SLC41A2: variants seen among roughly 807,000 people sequenced by gnomAD.
The protein encoded by SLC41A2 is solute carrier family 41 member 2, also known as SLC41A1-like 1.
In SLC41A2, 32 loss-of-function variants were observed where a neutral mutation model predicts 58.3. The observed-to-expected ratio is 0.55, with a 90% confidence interval of 0.41 to 0.74. SLC41A2 has a LOEUF of 0.74. Ranked by LOEUF, SLC41A2 falls within the 30% of genes least tolerant of loss-of-function variation. The pLI is 0.00. For missense variants in SLC41A2, 514 were observed against 680.6 expected (o/e 0.76, Z 2.72); for synonymous variants, 190 against 235.0 (o/e 0.81, Z 1.75).
intron 10 of SLC41A2, among the ~76,000 whole-genome samples, chr12:104,842,032 G>A (rs2042429168): frequency 6.6e-6 from 1 of 151,946 alleles, no homozygotes; most frequent in African/African-American, 2.4e-5. Flanking sequence ...TAAGAGCTTG[G>A]ACCAAGGTTT....
In SLC41A2 at chr12:104,851,316, T is replaced by C. The variant is rs868828792; in HGVS notation, c.1256-5342A>G. ...GTATAGATTTTCAATTCACAGACTATTTTGTTTTAAAATATATATATGAAA... is the reference window on the plus strand; with the variant it reads ...GTATAGATTTTCAATTCACAGACTACTTTGTTTTAAAATATATATATGAAA... On this transcript the variant is annotated intron_variant, in intron 8 of 10. Coordinates refer to ENST00000258538, the MANE Select transcript of SLC41A2 (RefSeq NM_001352171.3). 3.0e-4 allele frequency among the ~76,000 whole-genome samples: 45 copies of C among 152,286 alleles called. No individual in the cohort carries two copies. In the South Asian group the frequency reaches 5.6e-3, roughly 19 times the overall value.
At chr12:104,816,720 C>T (rs551006434) in intron 10 of SLC41A2, among the ~76,000 whole-genome samples, 113 of 152,226 alleles carry the variant, frequency 7.4e-4, no homozygotes, top group African/African-American at 2.5e-3. Flanking sequence ...AAAAAAGTCT[C>T]CCCTAAAAAT....
chr12:104,843,065 A>C (rs1175837507), intron 10 of SLC41A2, among the ~76,000 whole-genome samples: 1 of 152,094 alleles, frequency 6.6e-6, no homozygotes, highest in Non-Finnish European at 1.5e-5. Context: ...AAAAGTAGCA[A>C]TTTGCTATAA....
intron 6 of SLC41A2, among the ~76,000 whole-genome samples, chr12:104,876,348 C>G (rs1268073976): frequency 6.6e-6 from 1 of 151,954 alleles, no homozygotes; most frequent in Non-Finnish European, 1.5e-5. Flanking sequence ...GTAACATTAG[C>G]TTGTTTATTG....
chr12:104,859,211 G>A (rs1292780941), intron 8 of SLC41A2, among the ~76,000 whole-genome samples: 1 of 152,090 alleles, frequency 6.6e-6, no homozygotes, highest in Non-Finnish European at 1.5e-5. Flanking sequence ...CATGTACAGA[G>A]GGCCTTGAAA....
chr12:104,939,278 GCCT>G (rs2047406904), intron 1 of SLC41A2, among the ~76,000 whole-genome samples: 1 of 152,170 alleles, frequency 6.6e-6, no homozygotes, highest in Non-Finnish European at 1.5e-5. Flanking sequence ...GCTCACCAAA[GCCT>G]CAAACTCCTG....
chr12:104,922,598 C>T (rs1407435568), intron 2 of SLC41A2, among the ~76,000 whole-genome samples: 1 of 152,122 alleles, frequency 6.6e-6, no homozygotes, highest in Non-Finnish European at 1.5e-5. Context: ...CAACACTCCA[C>T]TCTCAATAAT....
At chr12:104,905,681 C>T (rs534008067) in intron 3 of SLC41A2, among the ~76,000 whole-genome samples, 4 of 152,220 alleles carry the variant, frequency 2.6e-5, no homozygotes, top group Non-Finnish European at 2.9e-5. Context: ...TAAGGCCCGG[C>T]GAGAAATCGA....
chr12:104,879,729 T>A (rs1200873609), intron 6 of SLC41A2, among the ~76,000 whole-genome samples: 1 of 152,210 alleles, frequency 6.6e-6, no homozygotes, highest in African/African-American at 2.4e-5. Flanking sequence ...TCAGGCAGCA[T>A]GACGCCTCCA....
intron 10 of SLC41A2, among the ~76,000 whole-genome samples, chr12:104,829,623 G>T (rs1308579582): frequency 6.6e-6 from 1 of 151,760 alleles, no homozygotes; most frequent in African/African-American, 2.4e-5. Flanking sequence ...TGTATATCAA[G>T]TATGCCTTAA....
intron 10 of SLC41A2, among the ~76,000 whole-genome samples, chr12:104,844,138 C>T (rs1036457926): frequency 3.9e-5 from 6 of 152,006 alleles, no homozygotes; most frequent in African/African-American, 1.5e-4. Context: ...AAACTAGAAC[C>T]ATTGGTAAAA....
At chr12:104,826,543 T>C (rs1031366614) in intron 10 of SLC41A2, among the ~76,000 whole-genome samples, 26 of 152,100 alleles carry the variant, frequency 1.7e-4, no homozygotes, top group African/African-American at 6.0e-4. Context: ...CAAGCCCTGC[T>C]CCTCTGGGTC....
intron 6 of SLC41A2, among the ~76,000 whole-genome samples, chr12:104,879,465 T>C (rs2044245154): frequency 6.6e-6 from 1 of 152,226 alleles, no homozygotes; most frequent in Non-Finnish European, 1.5e-5. Context: ...CTTGAATTAA[T>C]TTTTGTATAA....
At chr12:104,917,858 A>T (rs2046399328) in intron 2 of SLC41A2, among the ~76,000 whole-genome samples, 1 of 145,288 alleles carries the variant, frequency 6.9e-6, no homozygotes, top group Non-Finnish European at 1.5e-5. Context: ...GCATTAGGAG[A>T]TATACCTAAT....
intron 6 of SLC41A2, among the ~76,000 whole-genome samples, chr12:104,878,469 C>T (rs932557062): frequency 5.3e-5 from 8 of 151,816 alleles, no homozygotes; most frequent in South Asian, 2.1e-4. Context: ...CCCGTCCCCC[C>T]ACCCCACCAC....
intron 1 of SLC41A2, among the ~76,000 whole-genome samples, chr12:104,933,068 CA>C (rs1473957060): frequency 6.6e-6 from 1 of 151,416 alleles, no homozygotes; most frequent in Non-Finnish European, 1.5e-5. Context: ...TCTGCAGAGC[CA>C]AAAAAACAAT....
chr12:104,854,469 A>G (rs1034829747), intron 8 of SLC41A2, among the ~76,000 whole-genome samples: 1 of 151,774 alleles, frequency 6.6e-6, no homozygotes, highest in Admixed American at 6.6e-5. Flanking sequence ...AGGCTGAGGC[A>G]GGAGAATGGC....
At chr12:104,952,710 G>A (rs762266330) in intron 1 of SLC41A2, among the ~76,000 whole-genome samples, 7 of 152,136 alleles carry the variant, frequency 4.6e-5, no homozygotes, top group African/African-American at 9.7e-5. Context: ...TAAAAAACAT[G>A]TGGATTACAA....
At chr12:104,897,971 C>T (rs1289593583) in intron 3 of SLC41A2, among the ~76,000 whole-genome samples, 1 of 152,042 alleles carries the variant, frequency 6.6e-6, no homozygotes. Context: ...AAGGCCTTTG[C>T]TAGACCTACT....
Sources: gnomAD v4.1 joint callset for allele counts (sites outside exome capture counted in the v4.1 genomes callset) on GRCh38, gnomAD v4.1.1 for gene constraint, MANE v1.5 for transcripts, NCBI Gene and HGNC (gene_info 2026-07-23, HGNC 2026-07-21) for gene names.